The following NRG3 variants were observed in gnomAD, a reference collection of about 807,000 sequenced individuals.
NRG3 encodes the protein neuregulin 3, also known as pro-neuregulin-3, membrane-bound isoform.
NRG3 carries 31 observed loss-of-function variants against 66.9 expected under a neutral mutation model. That is an observed-to-expected ratio of 0.46 (90% CI 0.35 to 0.63). The LOEUF (loss-of-function observed/expected upper bound fraction) is 0.63, where lower values mean the gene tolerates loss of function less well. Among genes scored for constraint, NRG3 ranks in the 20% least tolerant of loss-of-function variants. The probability of loss-of-function intolerance (pLI) is 0.00; values close to 1 mark genes in which losing one functional copy is unlikely to be tolerated. For synonymous variants in NRG3, 393 were observed against 359.4 expected (o/e 1.09, Z -1.06); for missense variants, 910 against 878.9 (o/e 1.04, Z -0.45).
intron 3 of NRG3, among the ~76,000 whole-genome samples, chr10:82,786,569 C>G (rs1267595136): frequency 1.3e-5 from 2 of 151,938 alleles, no homozygotes; most frequent in African/African-American, 4.8e-5. Flanking sequence ...ATAAATCACG[C>G]CTTGAGTATG....
chr10:82,240,501 A>T (rs145957045), intron 1 of NRG3, among the ~76,000 whole-genome samples: 1 of 152,320 alleles, frequency 6.6e-6, no homozygotes, highest in East Asian at 1.9e-4. Flanking sequence ...TGAAGGGAAG[A>T]TGAAGAGTCC....
At chr10:82,485,524 T>C (rs957037454) in intron 2 of NRG3, among the ~76,000 whole-genome samples, 1 of 149,908 alleles carries the variant, frequency 6.7e-6, no homozygotes, top group Non-Finnish European at 1.5e-5. Context: ...TAATCAGAAA[T>C]GGGCCAACTA....
chr10:82,305,715 G>T (rs1029665040), intron 1 of NRG3, among the ~76,000 whole-genome samples: 1 of 151,954 alleles, frequency 6.6e-6, no homozygotes, highest in African/African-American at 2.4e-5. Flanking sequence ...GCAAGCTACT[G>T]AATTCAGCAT....
chr10:82,389,087 C>A (rs1589951050), intron 2 of NRG3, among the ~76,000 whole-genome samples: 1 of 152,120 alleles, frequency 6.6e-6, no homozygotes, highest in Admixed American at 6.5e-5. Context: ...TCTTACAAAC[C>A]TTTGTGTGCA....
chr10:82,662,931 TA>T (rs2052478698), intron 2 of NRG3, among the ~76,000 whole-genome samples: 1 of 152,206 alleles, frequency 6.6e-6, no homozygotes, highest in Non-Finnish European at 1.5e-5. Context: ...CCAGCCGATG[TA>T]ACTGTATTCC....
chr10:82,538,520 A>C (rs2132720932), intron 2 of NRG3, among the ~76,000 whole-genome samples: 1 of 152,236 alleles, frequency 6.6e-6, no homozygotes, highest in East Asian at 1.9e-4. Context: ...TTATTAAGGA[A>C]ATTTTTCTGT....
intron 1 of NRG3, among the ~76,000 whole-genome samples, chr10:82,125,854 C>T (rs552506703): frequency 4.6e-5 from 7 of 152,120 alleles, no homozygotes; most frequent in South Asian, 2.1e-4. Flanking sequence ...GTCAAGGCAC[C>T]GTCAGGTCTC....
intron 1 of NRG3, among the ~76,000 whole-genome samples, chr10:81,977,005 A>G (rs910290474): frequency 6.6e-6 from 1 of 152,224 alleles, no homozygotes; most frequent in Non-Finnish European, 1.5e-5. Context: ...GGTATTTCAG[A>G]ATACCCAGAA....
intron 1 of NRG3, among the ~76,000 whole-genome samples, chr10:82,328,801 C>T (rs1473169196): frequency 1.3e-5 from 2 of 152,098 alleles, no homozygotes; most frequent in South Asian, 2.1e-4. Flanking sequence ...AGTGTCCATG[C>T]CAGAGGGGAA....
At chr10:82,878,148 G>A (rs1297338583) in intron 4 of NRG3, among the ~76,000 whole-genome samples, 2 of 152,084 alleles carry the variant, frequency 1.3e-5, no homozygotes, top group Non-Finnish European at 2.9e-5. Context: ...GAGAGAGAGG[G>A]AAAAGGAAGA....
intron 2 of NRG3, among the ~76,000 whole-genome samples, chr10:82,733,921 T>A (rs1378821088): frequency 6.6e-6 from 1 of 152,196 alleles, no homozygotes; most frequent in Non-Finnish European, 1.5e-5. Flanking sequence ...TGCTCTGAAG[T>A]TAGCAGTGTG....
At chr10:82,646,870 C>A (rs962261067) in intron 2 of NRG3, among the ~76,000 whole-genome samples, 4 of 151,698 alleles carry the variant, frequency 2.6e-5, no homozygotes, top group Non-Finnish European at 5.9e-5. Context: ...TAAGTTGGAA[C>A]AAGGTGCCCA....
At chr10:82,232,934 GT>G in intron 1 of NRG3, 1 of 676,378 alleles carries the variant, frequency 1.5e-6, no homozygotes, top group Non-Finnish European at 2.7e-6. Context: ...AAACAGGAGT[GT>G]TCTCTAGTTG....
chr10:82,078,562 G>A (rs1045377947), intron 1 of NRG3, among the ~76,000 whole-genome samples: 1 of 152,136 alleles, frequency 6.6e-6, no homozygotes, highest in Non-Finnish European at 1.5e-5. Context: ...GTGTTAGCCA[G>A]GATGGTCTCG....
intron 1 of NRG3, among the ~76,000 whole-genome samples, chr10:81,938,695 A>G (rs984240177): frequency 6.6e-6 from 1 of 151,468 alleles, no homozygotes; most frequent in Non-Finnish European, 1.5e-5. Context: ...AAATCATGCC[A>G]TCTGTGAACA....
chr10:82,640,994 A>T, intron 2 of NRG3, among the ~76,000 whole-genome samples: 2 of 149,138 alleles, frequency 1.3e-5, no homozygotes, highest in African/African-American at 2.5e-5. Flanking sequence ...AGGGTCTTTA[A>T]ATTTTTCAGT....
chr10:81,976,528 T>TCTAG (rs1288158111), intron 1 of NRG3, among the ~76,000 whole-genome samples: 1 of 152,214 alleles, frequency 6.6e-6, no homozygotes, highest in Non-Finnish European at 1.5e-5. Flanking sequence ...AGTTCTAGAC[T>TCTAG]CTAGGATAGA....
At chr10:82,663,054 A>T (rs1305416100) in intron 2 of NRG3, among the ~76,000 whole-genome samples, 1 of 152,222 alleles carries the variant, frequency 6.6e-6, no homozygotes, top group Non-Finnish European at 1.5e-5. Flanking sequence ...TTGCCATTAT[A>T]AATAAAAAAC....
At chr10:82,535,414 T>G (rs1480447135) in intron 2 of NRG3, among the ~76,000 whole-genome samples, 2 of 152,040 alleles carry the variant, frequency 1.3e-5, no homozygotes, top group Non-Finnish European at 2.9e-5. Flanking sequence ...AACACATTTT[T>G]GGAAATCCCA....
Sources: gnomAD v4.1 joint callset for allele counts (sites outside exome capture counted in the v4.1 genomes callset) on GRCh38, gnomAD v4.1.1 for gene constraint, MANE v1.5 for transcripts, NCBI Gene and HGNC (gene_info 2026-07-23, HGNC 2026-07-21) for gene names.